Variants in PPARGC1B observed in about 807,000 individuals in gnomAD.
The protein encoded by PPARGC1B is PPARG coactivator 1 beta, also known as peroxisome proliferator-activated receptor gamma coactivator 1-beta.
In PPARGC1B, 34 loss-of-function variants were observed where a neutral mutation model predicts 101.6. The observed-to-expected ratio is 0.33, with a 90% confidence interval of 0.25 to 0.45. The LOEUF (loss-of-function observed/expected upper bound fraction) is 0.45. Among genes scored for constraint, PPARGC1B ranks in the 20% least tolerant of loss-of-function variants. PPARGC1B has a pLI of 1.00. For missense variants in PPARGC1B, 1,234 were observed against 1,317.6 expected (o/e 0.94, Z 0.98); for synonymous variants, 548 against 539.3 (o/e 1.02, Z -0.22).
chr5:149,777,263 CT>C (rs1756400119), intron 1 of PPARGC1B, among the ~76,000 whole-genome samples: 1 of 151,462 alleles, frequency 6.6e-6, no homozygotes, highest in Non-Finnish European at 1.5e-5. Flanking sequence ...ACAAAGACCC[CT>C]GCTCACCACA....
chr5:149,833,151 C>G lies in PPARGC1B; in HGVS notation c.1078C>G (p.Arg360Gly), dbSNP rs1477316188. ...DVLCDVSKPYRLATPVYASLT... is the reference protein window; with the variant it reads ...DVLCDVSKPYGLATPVYASLT... ...GCTCTGTGATGTCAGCAAACCCTAC[C>G]GTCTGGCCACGCCTGTTTATGCCTC... Residue 360 changes from arginine to glycine, a missense_variant, in exon 5 of 12, where the codon CGT becomes GGT. By Grantham distance (125) the Arg-to-Gly change is moderately radical. This residue lies in a region of PPARGC1B where 734 missense variants were observed against 768.4 expected (regional missense o/e 0.96). Coordinates refer to ENST00000309241, the MANE Select transcript of PPARGC1B (RefSeq NM_133263.4). The surrounding 1 kb of genome is among the most constrained non-coding windows in gnomAD (Gnocchi z 4.1). The G allele has an allele frequency of 1.2e-6, 2 of 1,613,712 alleles. No homozygotes were observed. The highest frequency in any genetic ancestry group is 2.2e-5 in the South Asian group (2 of 91,086).
Position 149,833,450 on chromosome 5 carries a change from C to T in PPARGC1B, c.1377C>T (p.Gly459=). ...EEWGRKRPGR[G]LPWTKLGRKL... ...GGGGCAGGAAAAGGCCAGGCCGAGG[C>T]CTGCCATGGACGAAGCTGGGGAGGA... The change falls in exon 5 of 12, where the codon GGC becomes GGT. Residue 459 remains glycine, a synonymous_variant. Transcript: ENST00000309241. The surrounding 1 kb of genome is among the most constrained non-coding windows in gnomAD (Gnocchi z 4.1). 6.3e-7 allele frequency: 1 copy of T among 1,575,608 alleles called. No individual in the cohort carries two copies. The highest frequency in any genetic ancestry group is 8.6e-7 in the Non-Finnish European group (1 of 1,160,570).
At chr5:149,754,270 T>A (rs1755425826) in intron 1 of PPARGC1B, among the ~76,000 whole-genome samples, 1 of 152,124 alleles carries the variant, frequency 6.6e-6, no homozygotes. Context: ...GTTGAGCTTG[T>A]TTTATTCCTA....
chr5:149,826,649 A>T, intron 2 of PPARGC1B, 24 bp from the exon 3 acceptor site: 1 of 1,590,230 alleles, frequency 6.3e-7, no homozygotes, highest in African/African-American at 1.3e-5. Flanking sequence ...TGCCTTTCTG[A>T]CCCTCCCGCC....
Position 149,840,091 on chromosome 5 carries a change from C to G in PPARGC1B, c.2669C>G (p.Ala890Gly). ...GACAGAACGCCAAGCATCCGGCACG[C>G]CAGGAAGCGGCGGGAAAAGGCCATT... is the stretch of plus-strand genomic sequence containing the variant. ...CSDRTPSIRH[A>G]RKRREKAIGE... Residue 890 changes from alanine (A) to glycine (G), a missense_variant, in exon 9 of 12, where the codon GCC becomes GGC. This residue lies in a region of PPARGC1B where 497 missense variants were observed against 529.5 expected (regional missense o/e 0.94). Coordinates refer to ENST00000309241, the MANE Select transcript of PPARGC1B (RefSeq NM_133263.4). 6.2e-7 allele frequency: 1 copy of G among 1,613,652 alleles called. No individual in the cohort carries two copies.
intron 1 of PPARGC1B, among the ~76,000 whole-genome samples, chr5:149,739,780 C>T (rs1223674306): frequency 1.3e-5 from 2 of 152,182 alleles, no homozygotes; most frequent in African/African-American, 4.8e-5. Flanking sequence ...ATTCCTAAAT[C>T]CCAAAGGTCC....
Position 149,832,179 on chromosome 5 carries a change from C to T in PPARGC1B, c.583-477C>T, listed in dbSNP as rs1487477775. Among the ~76,000 whole-genome samples the T allele has an allele frequency of 6.6e-6, 1 of 152,134 alleles. No individual in the cohort carries two copies. Among genetic ancestry groups the T allele is most frequent in the African/African-American group, 2.4e-5 (1 of 41,412 alleles). Reference sequence around the variant, plus strand: ...AAAAAATTAGCCGGGTGTGGTGATGCACGCCTGTAATCCCAACTACTCGGG... The same window carrying T: ...AAAAAATTAGCCGGGTGTGGTGATGTACGCCTGTAATCCCAACTACTCGGG... On this transcript the variant is annotated intron_variant, in intron 4 of 11. Transcript: ENST00000309241. The surrounding 1 kb of genome is among the most constrained non-coding windows in gnomAD (Gnocchi z 4.9).
intron 1 of PPARGC1B, among the ~76,000 whole-genome samples, chr5:149,801,680 C>T (rs1757434593): frequency 6.6e-6 from 1 of 152,186 alleles, no homozygotes. Flanking sequence ...ATAGCTGTGG[C>T]TGCTCTGTGT....
At chr5:149,824,773 G>A (rs888604664) in intron 2 of PPARGC1B, among the ~76,000 whole-genome samples, 25 of 152,118 alleles carry the variant, frequency 1.6e-4, no homozygotes, top group Admixed American at 6.5e-5. Flanking sequence ...CAGAGTCCTC[G>A]GACCCTGATC....
At chr5:149,745,305 G>A (rs771295084) in intron 1 of PPARGC1B, among the ~76,000 whole-genome samples, 1 of 152,126 alleles carries the variant, frequency 6.6e-6, no homozygotes. Flanking sequence ...TACCTGCCAG[G>A]CTTGGTAGAA....
At chr5:149,801,704 GGGGGCT>G (rs1418626457) in intron 1 of PPARGC1B, among the ~76,000 whole-genome samples, 3 of 152,204 alleles carry the variant, frequency 2.0e-5, no homozygotes, top group African/African-American at 4.8e-5. Context: ...GCCGCCTGGT[GGGGGCT>G]GGAGTAGAGG....
chr5:149,773,161 TG>T (rs1167450330), intron 1 of PPARGC1B, among the ~76,000 whole-genome samples: 1 of 152,216 alleles, frequency 6.6e-6, no homozygotes, highest in African/African-American at 2.4e-5. Context: ...ACCTTCTTGG[TG>T]TTTGGGGCAA....
chr5:149,756,625 C>A (rs1755530170), intron 1 of PPARGC1B, among the ~76,000 whole-genome samples: 1 of 152,176 alleles, frequency 6.6e-6, no homozygotes, highest in East Asian at 1.9e-4. Context: ...CTGTTGTCCC[C>A]TCCTAGAAGC....
At chr5:149,778,865 C>CT (rs1204401627) in intron 1 of PPARGC1B, among the ~76,000 whole-genome samples, 1 of 152,164 alleles carries the variant, frequency 6.6e-6, no homozygotes, top group Admixed American at 6.5e-5. Flanking sequence ...AAACCATCCT[C>CT]TTTTTTCCAG....
chr5:149,832,383 G>C lies in PPARGC1B; in HGVS notation c.583-273G>C, dbSNP rs151026242. On this transcript the variant is annotated intron_variant, in intron 4 of 11. Coordinates refer to ENST00000309241, the MANE Select transcript of PPARGC1B (RefSeq NM_133263.4). This position sits in a 1 kb window ranked among gnomAD's most constrained non-coding sequence, Gnocchi z 4.9. ...GGAGCAGGGAGGCGGAATGGTCAGAGTGGGGCTTTGTCAGTGAATCTGGAA... is the reference window on the plus strand; with the variant it reads ...GGAGCAGGGAGGCGGAATGGTCAGACTGGGGCTTTGTCAGTGAATCTGGAA... 4.4e-3 allele frequency among the ~76,000 whole-genome samples: 677 copies of C among 152,272 alleles called. 4 individuals carry two copies. The highest frequency in any genetic ancestry group is 0.015 in the African/African-American group (642 of 41,530).
At chr5:149,819,390 CTTT>C (rs1481040188) in intron 1 of PPARGC1B, among the ~76,000 whole-genome samples, 1 of 152,166 alleles carries the variant, frequency 6.6e-6, no homozygotes, top group East Asian at 1.9e-4. Flanking sequence ...TATTCTACAA[CTTT>C]TTTATTTAAT....
chr5:149,823,427 C>T (rs1028846019), intron 2 of PPARGC1B, among the ~76,000 whole-genome samples: 1 of 152,096 alleles, frequency 6.6e-6, no homozygotes. Flanking sequence ...CATTCTGTTC[C>T]GTGATGTTTC....
At chr5:149,793,438 C>A (rs1420192567) in intron 1 of PPARGC1B, among the ~76,000 whole-genome samples, 2 of 152,198 alleles carry the variant, frequency 1.3e-5, no homozygotes, top group Non-Finnish European at 2.9e-5. Context: ...GGCCCTTATA[C>A]TGCCTCCCTT....
chr5:149,833,306 A>G lies in PPARGC1B; in HGVS notation c.1233A>G (p.Pro411=). ...KSTGPRPSLR[P]LRLEVKREVR... is the part of the protein sequence containing the mutation. The stretch of plus-strand genomic sequence containing the variant: ...CCGGGCCCAGACCAAGCCTGCGCCC[A>G]CTGCGGCTGGAGGTGAAAAGGGAGG... Residue 411 remains proline (P), a synonymous_variant, in exon 5 of 12, where the codon CCA becomes CCG. Coordinates refer to ENST00000309241, the MANE Select transcript of PPARGC1B (RefSeq NM_133263.4). This position sits in a 1 kb window ranked among gnomAD's most constrained non-coding sequence, Gnocchi z 4.1. 13 of 1,613,448 alleles carry G rather than the reference A, an allele frequency of 8.1e-6. No individual in the cohort carries two copies. In the South Asian group the frequency reaches 9.9e-5, roughly 12 times the overall value.
Sources: allele counts gnomAD v4.1 joint callset (sites outside exome capture counted in the v4.1 genomes callset), GRCh38; gene constraint gnomAD v4.1.1; regional missense constraint gnomAD v4.1.1; non-coding constraint Gnocchi (gnomAD v3.1); transcripts MANE v1.5; gene names NCBI Gene and HGNC (gene_info 2026-07-23, HGNC 2026-07-21).